The following DYNLT3 variants were observed in gnomAD, a reference collection of about 807,000 sequenced individuals.
The protein encoded by DYNLT3 is dynein light chain Tctex-type 3.
DYNLT3 carries 4 observed loss-of-function variants against 11.0 expected under a neutral mutation model. That is an observed-to-expected ratio of 0.36 (90% CI 0.18 to 0.83). The LOEUF (loss-of-function observed/expected upper bound fraction) is 0.83, where lower values mean the gene tolerates loss of function less well. Among genes scored for constraint, DYNLT3 ranks in the 40% least tolerant of loss-of-function variants. The pLI, the probability that DYNLT3 is intolerant of heterozygous loss-of-function variation, is 0.47. For missense variants in DYNLT3, 91 were observed against 91.1 expected, an observed-to-expected ratio of 1.00 and a Z score of 0.01; for synonymous variants, 37 against 31.2, an observed-to-expected ratio of 1.18 and a Z score of -0.61.
At chrX:37,847,155 C>A (rs1930281632) in intron 1 of DYNLT3, 3 of 1,135,775 alleles carry the variant, frequency 2.6e-6, no homozygotes, top group Non-Finnish European at 2.3e-6. Flanking sequence ...GACCCGTTTT[C>A]GAGGCCCGCC....
intron 1 of DYNLT3, chrX:37,846,988 A>C: frequency 8.6e-7 from 1 of 1,165,095 alleles, no homozygotes; most frequent in Non-Finnish European, 1.1e-6. Context: ...TGAGTCAGTA[A>C]GCAAGGGCTC....
rs750332268 is a variant in DYNLT3, at chrX:37,840,723, TACACACAC to T, written c.275-80_275-73del. The T allele has an allele frequency of 7.0e-5, 29 of 413,197 alleles. No individual in the cohort carries two copies. The South Asian group carries it at 1.0e-3, about 15-fold the overall frequency. 34.1% of individuals were successfully genotyped at this position (413,197 alleles called of 1,213,427 possible). A position where few individuals can be genotyped will look rare whatever the true frequency, so the allele number is the denominator to read the frequency against. ...TTATCAGAGAATATATATATATATATACACACACACACACACACACACACATATACACA... is the reference window on the plus strand; with the variant it reads ...TTATCAGAGAATATATATATATATATACACACACACACACACATATACACA... On this transcript the variant is annotated intron_variant, in intron 4 of 4. Transcript: ENST00000378578.
intron 3 of DYNLT3, among the ~76,000 whole-genome samples, chrX:37,841,321 A>C (rs896260349): frequency 8.9e-6 from 1 of 112,483 alleles, no homozygotes; most frequent in African/African-American, 3.2e-5. Context: ...CACTGGATTC[A>C]GTTGGTTTTC....
At chrX:37,841,588 C>G (rs936991615) in intron 3 of DYNLT3, among the ~76,000 whole-genome samples, 194 bp downstream of exon 3, 2 of 111,782 alleles carry the variant, frequency 1.8e-5, no homozygotes, top group African/African-American at 6.5e-5. Context: ...GTAGCTCAAA[C>G]TGCCTTTGAG....
chrX:37,847,415 C>G, intron 1 of DYNLT3, 66 bp downstream of exon 1: 2 of 1,004,569 alleles, frequency 2.0e-6, no homozygotes, highest in East Asian at 4.0e-5. Flanking sequence ...GGAGACCACC[C>G]GGCAAGAGCC....
chrX:37,841,184 C>G lies in DYNLT3; in HGVS notation c.197-79G>C, dbSNP rs763916228. 1.9e-5 allele frequency: 15 copies of G among 796,072 alleles called. No individual in the cohort carries two copies. The South Asian group carries it at 3.7e-4, about 20-fold the overall frequency. The allele number at this position is 796,072 out of a possible 1,213,427, so 65.6% of individuals were successfully genotyped here. A position where few individuals can be genotyped will look rare whatever the true frequency, so the allele number is the denominator to read the frequency against. On this transcript the variant is annotated intron_variant, in intron 3 of 4. Transcript: ENST00000378578. ...AAGGTCAAAGTGTGTGAGTTCAGAGCTCTACAAGCCGAAAACAAGACAAAA... is the reference window on the plus strand; with the variant it reads ...AAGGTCAAAGTGTGTGAGTTCAGAGGTCTACAAGCCGAAAACAAGACAAAA...
chrX:37,847,112 G>A, intron 1 of DYNLT3: 1 of 1,161,232 alleles, frequency 8.6e-7, no homozygotes, highest in South Asian at 1.9e-5. Context: ...CACCCGCGCT[G>A]AGGAAGCCAA....
intron 2 of DYNLT3, among the ~76,000 whole-genome samples, chrX:37,845,192 C>T (rs910988046): frequency 5.4e-5 from 6 of 112,129 alleles, no homozygotes; most frequent in Admixed American, 2.8e-4. Flanking sequence ...AAAACCTTTG[C>T]TTTCTACTTT....
intron 2 of DYNLT3, among the ~76,000 whole-genome samples, chrX:37,842,551 C>G (rs1332568841): frequency 9.0e-6 from 1 of 111,560 alleles, no homozygotes; most frequent in Non-Finnish European, 1.9e-5. Context: ...ATCATAATTT[C>G]CCATAGTGCT....
Position 37,844,373 on chromosome X carries a change from A to T in DYNLT3, c.72+1944T>A, listed in dbSNP as rs193134406. 2.3e-3 allele frequency among the ~76,000 whole-genome samples: 262 copies of T among 111,935 alleles called. 1 individual carries two copies. The highest frequency in any genetic ancestry group is 3.9e-3 in the Non-Finnish European group (207 of 53,169). ...TCCCATTCCCCAGAGGAAACTCATC[A>T]GTGTACAACTGTTTTTATTTCTTCC... On this transcript the variant is annotated intron_variant, in intron 2 of 4. Coordinates refer to ENST00000378578, the MANE Select transcript of DYNLT3 (RefSeq NM_006520.3).
Position 37,847,545 on chromosome X carries a change from G to C in DYNLT3, c.-35C>G. 1.0e-6 allele frequency: 1 copy of C among 962,762 alleles called. No individual in the cohort carries two copies. Among genetic ancestry groups the C allele is most frequent in the Non-Finnish European group, 1.3e-6 (1 of 765,366 alleles). 79.3% of individuals were successfully genotyped at this position (962,762 alleles called of 1,213,427 possible). A position where few individuals can be genotyped will look rare whatever the true frequency, so the allele number is the denominator to read the frequency against. On this transcript the variant is annotated 5_prime_UTR_variant, in exon 1 of 5. Coordinates refer to ENST00000378578, the MANE Select transcript of DYNLT3 (RefSeq NM_006520.3). ...GGCTCTCCCTGGGGCGGAGCGACAC[G>C]CCGGTAGAGCACCGCGGCCGCGCAC...
chrX:37,840,455 G>A lies in DYNLT3; in HGVS notation c.*120C>T. On this transcript the variant is annotated 3_prime_UTR_variant, in exon 5 of 5. Transcript: ENST00000378578. ...TTATAATATTCAGTTTTTGTTGATA[G>A]CTTTAAAGCATATTGCACGCTTTTC... 1 of 546,063 alleles carries A rather than the reference G, an allele frequency of 1.8e-6. No individual in the cohort carries two copies. The highest frequency in any genetic ancestry group is 2.7e-6 in the Non-Finnish European group (1 of 366,678). The allele number at this position is 546,063 out of a possible 1,213,427, so 45.0% of individuals were successfully genotyped here.
chrX:37,840,787 C>T (rs866669588), intron 4 of DYNLT3, 136 bp from the exon 5 acceptor site: 13 of 335,803 alleles, frequency 3.9e-5, no homozygotes, highest in Non-Finnish European at 5.7e-5. Flanking sequence ...CACACACACA[C>T]ACATATATAT....
At chrX:37,844,228 C>T (rs940054022) in intron 2 of DYNLT3, among the ~76,000 whole-genome samples, 1 of 112,024 alleles carries the variant, frequency 8.9e-6, no homozygotes, top group Non-Finnish European at 1.9e-5. Flanking sequence ...GTTGAAAAAG[C>T]ATGATTCTTT....
rs750073352 is a variant in DYNLT3 at position 37,841,894 on chromosome X, C to T, written c.84G>A (p.Gly28=). 5.3e-6 allele frequency: 6 copies of T among 1,124,607 alleles called. No homozygotes were observed. The highest frequency in any genetic ancestry group is 2.3e-5 in the Admixed American group (1 of 43,043). The allele number at this position is 1,124,607 out of a possible 1,213,427, so 92.7% of individuals were successfully genotyped here. A position where few individuals can be genotyped will look rare whatever the true frequency, so the allele number is the denominator to read the frequency against. Residue 28 remains glycine (G), a synonymous_variant, in exon 3 of 5, where the codon GGG becomes GGA. Coordinates refer to ENST00000378578, the MANE Select transcript of DYNLT3 (RefSeq NM_006520.3). The part of the protein sequence containing the change: ...AHNIVKECVD[G]VLGGEDYNHN... ...GATTATAATCTTCACCACCTAAAAC[C>T]CCATCTACACACTAAAAGGGCACAG...
chrX:37,841,395 T>C (rs760063897), intron 3 of DYNLT3, among the ~76,000 whole-genome samples: 2 of 111,991 alleles, frequency 1.8e-5, no homozygotes, highest in Admixed American at 9.5e-5. Context: ...TTCTGTGCTT[T>C]GTACCATGGG....
At chrX:37,847,139 C>T (rs1184023947) in intron 1 of DYNLT3, 2 of 1,145,180 alleles carry the variant, frequency 1.7e-6, no homozygotes, top group Non-Finnish European at 2.3e-6. Flanking sequence ...GAGGCAGCAG[C>T]GGGAAGACCC....
In DYNLT3 at chrX:37,841,045, C is replaced by T; in HGVS notation, c.257G>A (p.Trp86Ter). The T allele has an allele frequency of 8.3e-7, 1 of 1,210,066 alleles. No homozygotes were observed. The highest frequency in any genetic ancestry group is 1.1e-6 in the Non-Finnish European group (1 of 894,859). ...TCTCTTACCATCAGATGTGGTATCC[C>T]AAAAACAGGAGCTGGCTGTGTGAAA... The part of the protein sequence containing the change: ...YGFHTASSCF[W>*]DTTSDGTCTV... Residue 86 changes from tryptophan to a stop codon, truncating the protein, a stop_gained, in exon 4 of 5, where the codon TGG (tryptophan) becomes TAG (stop). Coordinates refer to ENST00000378578, the MANE Select transcript of DYNLT3 (RefSeq NM_006520.3). LOFTEE classifies it high-confidence loss of function.
At chrX:37,846,101 G>A (rs1930261949) in intron 2 of DYNLT3, among the ~76,000 whole-genome samples, 1 of 112,198 alleles carries the variant, frequency 8.9e-6, no homozygotes, top group Admixed American at 9.4e-5. Flanking sequence ...AACCCAGGAG[G>A]TGGAGGTTGC....
Sources: gnomAD v4.1 joint callset for allele counts (sites outside exome capture counted in the v4.1 genomes callset) on GRCh38, gnomAD v4.1.1 for gene constraint, MANE v1.5 for transcripts, NCBI Gene and HGNC (gene_info 2026-07-23, HGNC 2026-07-21) for gene names.